The following SETDB1 variants were observed in gnomAD, a reference collection of about 807,000 sequenced individuals.
The protein encoded by SETDB1 is histone-lysine N-methyltransferase SETDB1.
A neutral mutation model predicts 137.4 loss-of-function variants in SETDB1; 31 were observed. That is an observed-to-expected ratio of 0.23 (90% CI 0.17 to 0.30). SETDB1 has a LOEUF of 0.30. Among genes scored for constraint, SETDB1 ranks in the 10% least tolerant of loss-of-function variants. The pLI is 1.00. For missense variants in SETDB1, 1,113 were observed against 1,631.5 expected, an observed-to-expected ratio of 0.68 and a Z score of 5.47; for synonymous variants, 548 against 579.9, an observed-to-expected ratio of 0.95 and a Z score of 0.79.
chr1:150,957,950 G>A (rs148888849), intron 14 of SETDB1, among the ~76,000 whole-genome samples: 2 of 152,256 alleles, frequency 1.3e-5, no homozygotes, highest in South Asian at 2.1e-4. Context: ...CCTTTGGTTC[G>A]CTAAGGCAGG....
intron 12 of SETDB1, 33 bp from the exon 13 acceptor site, chr1:150,950,425 C>T (rs997406068): frequency 6.5e-7 from 1 of 1,532,416 alleles, no homozygotes. Flanking sequence ...GTCCTGTTGC[C>T]TTCCGATCTG....
Position 150,960,694 on chromosome 1 carries a change from T to C in SETDB1, c.2635T>C (p.Ser879Pro). ...ATATGAGAGTGATGCCCCCTGTTCC[T>C]CTGACAGCAGTGGTGTAGACTTGAA... Reference protein sequence around the residue: ...EGYESDAPCSSDSSGVDLKDQ... With the variant: ...EGYESDAPCSPDSSGVDLKDQ... The change falls in exon 16 of 22, where the codon TCT becomes CCT. Residue 879 changes from serine to proline, a missense_variant. Ser to Pro is a moderately conservative substitution (Grantham distance 74, BLOSUM62 -1). Coordinates refer to ENST00000692827, the MANE Select transcript of SETDB1 (RefSeq NM_001366418.1). The C allele has an allele frequency of 6.2e-7, 1 of 1,612,140 alleles. No individual in the cohort carries two copies. The highest frequency in any genetic ancestry group is 1.1e-5 in the South Asian group (1 of 90,730).
At chr1:150,945,174 G>A (rs1202103391) in intron 9 of SETDB1, 66 bp downstream of exon 9, 2 of 1,600,312 alleles carry the variant, frequency 1.2e-6, no homozygotes, top group South Asian at 2.2e-5. Context: ...AAGCAGTAAT[G>A]AGGATGGTTT....
rs1571639541 is a variant in SETDB1 at position 150,942,830 on chromosome 1, T to C, written c.674-22T>C. ...CAGAAACTGGCAGTGTTTAAAAAGA[T>C]TTATCTTTCCCTTTTACTCAGGGCC... On this transcript the variant is annotated intron_variant, in intron 6 of 21. Coordinates refer to ENST00000692827, the MANE Select transcript of SETDB1 (RefSeq NM_001366418.1). 24 of 1,611,380 alleles carry C rather than the reference T, an allele frequency of 1.5e-5. No individual in the cohort carries two copies. The East Asian group carries it at 5.3e-4, about 36-fold the overall frequency.
At position 150,942,569 on chromosome 1, in the gene SETDB1, T is replaced by C. The variant is rs1234570466; in HGVS notation, c.554T>C (p.Leu185Ser). 1.2e-6 allele frequency: 2 copies of C among 1,610,312 alleles called. No individual in the cohort carries two copies. The highest frequency in any genetic ancestry group is 1.3e-5 in the African/African-American group (1 of 74,712). ...SSSQDLHKGTLSQMSGELSKD... is the reference protein window; with the variant it reads ...SSSQDLHKGTSSQMSGELSKD... ...AACTTTGCTTCTTCTATAGGAACCT[T>C]GAGTCAGATGTCTGGAGAACTAAGC... Residue 185 changes from leucine to serine, a missense_variant, in exon 6 of 22, where the codon TTG becomes TCG. Coordinates refer to ENST00000692827, the MANE Select transcript of SETDB1 (RefSeq NM_001366418.1).
At chr1:150,962,053 G>A in intron 16 of SETDB1, 77 bp from the exon 17 acceptor site, 3 of 1,541,894 alleles carry the variant, frequency 1.9e-6, no homozygotes, top group Non-Finnish European at 2.7e-6. Context: ...TATCTGTGGA[G>A]GTCATTTGAA....
chr1:150,951,981 C>G (rs1236883159), intron 14 of SETDB1, among the ~76,000 whole-genome samples: 1 of 151,626 alleles, frequency 6.6e-6, no homozygotes, highest in African/African-American at 2.4e-5. Flanking sequence ...AACCCTGTCT[C>G]TACTAAAAAT....
intron 2 of SETDB1, 137 bp from the exon 3 acceptor site, chr1:150,929,830 T>A: frequency 1.4e-6 from 1 of 719,332 alleles, no homozygotes; most frequent in South Asian, 2.0e-5. Flanking sequence ...TTCTAAATTC[T>A]AAACAGAGAC....
chr1:150,960,514 T>G (rs374452859), intron 15 of SETDB1, 49 bp from the exon 16 acceptor site: 5 of 941,884 alleles, frequency 5.3e-6, no homozygotes, highest in Admixed American at 2.9e-5. Context: ...AAAAAAAAAC[T>G]AATAGGTCCC....
intron 3 of SETDB1, among the ~76,000 whole-genome samples, chr1:150,939,396 C>CA (rs1454690679): frequency 1.3e-5 from 2 of 151,984 alleles, no homozygotes; most frequent in Non-Finnish European, 2.9e-5. Flanking sequence ...GGTGCAGTCT[C>CA]AGCTCGTTGC....
chr1:150,943,876 TATC>T lies in SETDB1; in HGVS notation c.876-41_876-39del, dbSNP rs587774616. ...AATAATTTCTGTGGATCATGTTAAATATCATAACCCCCAGATCTTTCTGCTGTC... is the reference window on the plus strand; with the variant it reads ...AATAATTTCTGTGGATCATGTTAAATATAACCCCCAGATCTTTCTGCTGTC... On this transcript the variant is annotated intron_variant, in intron 7 of 21. Transcript: ENST00000692827. The T allele has an allele frequency of 1.1e-3, 1,373 of 1,202,608 alleles. 6 individuals carry two copies. Among genetic ancestry groups the T allele is most frequent in the African/African-American group, 5.4e-3 (360 of 66,624 alleles). 74.5% of individuals were successfully genotyped at this position (1,202,608 alleles called of 1,614,324 possible).
intron 2 of SETDB1, among the ~76,000 whole-genome samples, chr1:150,928,970 A>T (rs1571619539): frequency 6.6e-6 from 1 of 152,196 alleles, no homozygotes; most frequent in Admixed American, 6.6e-5. Context: ...TATATGTGCC[A>T]CATTTCTTAA....
intron 14 of SETDB1, among the ~76,000 whole-genome samples, chr1:150,955,051 G>C (rs587608616): frequency 6.6e-6 from 1 of 152,344 alleles, no homozygotes; most frequent in Admixed American, 6.5e-5. Flanking sequence ...AATACATTCA[G>C]AGGAGATCGA....
At chr1:150,940,063 C>T (rs1359442706) in intron 4 of SETDB1, 89 bp downstream of exon 4, 41 of 882,936 alleles carry the variant, frequency 4.6e-5, no homozygotes, top group Non-Finnish European at 7.6e-5. Flanking sequence ...GTTTAGCTGT[C>T]AGTATCTAAT....
intron 9 of SETDB1, 32 bp from the exon 10 acceptor site, chr1:150,946,853 AT>A (rs1373323414): frequency 6.2e-7 from 1 of 1,613,116 alleles, no homozygotes; most frequent in South Asian, 1.1e-5. Flanking sequence ...CCTTTAAGCT[AT>A]TTCCCTTCAT....
intron 13 of SETDB1, 96 bp downstream of exon 13, chr1:150,951,186 A>C: frequency 7.3e-7 from 1 of 1,360,858 alleles, no homozygotes; most frequent in South Asian, 1.3e-5. Context: ...TGCTTTCCCC[A>C]TCTTCCTTTA....
chr1:150,930,526 T>TTA (rs1454975912), intron 3 of SETDB1: 1 of 124,656 alleles, frequency 8.0e-6, no homozygotes, highest in East Asian at 2.3e-4. Context: ...TTTCTTTTTT[T>TTA]TTTTTTTTTT....
chr1:150,943,200 A>T, intron 7 of SETDB1, 147 bp downstream of exon 7: 1 of 612,068 alleles, frequency 1.6e-6, no homozygotes, highest in Non-Finnish European at 2.9e-6. Context: ...CACAGGAGTC[A>T]TGTGGGTGAT....
chr1:150,961,040 G>C lies in SETDB1; in HGVS notation c.2981G>C (p.Gly994Ala), dbSNP rs755619097. ...SWLSCNSVSE[G>A]GFADSDSHSS... ...TTGAGCTGCAATAGTGTCAGTGAAG[G>C]TGGTTTTGCTGACTCTGATAGCCAT... is the stretch of plus-strand genomic sequence containing the variant. The change falls in exon 16 of 22, where the codon GGT becomes GCT. Residue 994 changes from glycine to alanine, a missense_variant. By Grantham distance (60) the Gly-to-Ala change is moderately conservative. Around this residue, in one of 11 missense-constraint regions of SETDB1, gnomAD observed 373 missense variants for 412.7 expected, o/e 0.90. Transcript: ENST00000692827. The C allele has an allele frequency of 1.9e-6, 3 of 1,613,882 alleles. No individual in the cohort carries two copies. In the East Asian group the frequency reaches 6.7e-5, roughly 36 times the overall value.
Sources: gnomAD v4.1 joint callset for allele counts (sites outside exome capture counted in the v4.1 genomes callset) on GRCh38, gnomAD v4.1.1 for gene constraint, gnomAD v4.1.1 regional missense constraint, MANE v1.5 for transcripts, NCBI Gene and HGNC (gene_info 2026-07-23, HGNC 2026-07-21) for gene names.